DYNC2LI1: variants seen among roughly 807,000 people sequenced by gnomAD.
DYNC2LI1 encodes dynein cytoplasmic 2 light intermediate chain 1, also known as cytoplasmic dynein 2 light intermediate chain 1.
DYNC2LI1 carries 45 observed loss-of-function variants against 51.9 expected under a neutral mutation model. The ratio of observed to expected loss-of-function variants is 0.87; its 90% confidence interval spans 0.68 to 1.11. DYNC2LI1 has a LOEUF of 1.11. DYNC2LI1 is among the 50% of genes most tolerant of loss of function. DYNC2LI1 has a pLI of 0.00. For missense variants in DYNC2LI1, 490 were observed against 417.4 expected (o/e 1.17, Z -1.51); for synonymous variants, 130 against 137.8 (o/e 0.94, Z 0.40).
intron 12 of DYNC2LI1, among the ~76,000 whole-genome samples, chr2:43,809,115 A>G (rs1666386047): frequency 6.6e-6 from 1 of 151,982 alleles, no homozygotes. Context: ...CAGACTCCCA[A>G]GTAGCTGGGA....
chr2:43,824,880 A>T, the DYNC2LI1 span: 1 of 1,613,898 alleles, frequency 6.2e-7, no homozygotes, highest in Non-Finnish European at 8.5e-7. Context: ...ATGTGAAAGA[A>T]AAACTTACTA....
At chr2:43,795,805 G>T in intron 6 of DYNC2LI1, 85 bp from the exon 7 acceptor site, 2 of 1,011,846 alleles carry the variant, frequency 2.0e-6, no homozygotes, top group Non-Finnish European at 3.1e-6. Context: ...GACTGAAAAT[G>T]GAATGTTTTT....
intron 2 of DYNC2LI1, among the ~76,000 whole-genome samples, chr2:43,782,011 A>ATGTGTGTGTGTGTGTG (rs72178749): frequency 0.078 from 11,597 of 148,618 alleles, 575 homozygotes; most frequent in African/African-American, 0.13. Context: ...GTTTCTGTCT[A>ATGTGTGTGTGTGTGTG]TGTGTGTGTG....
chr2:43,792,015 A>G (rs917875672), intron 5 of DYNC2LI1, among the ~76,000 whole-genome samples: 8 of 152,130 alleles, frequency 5.3e-5, no homozygotes, highest in African/African-American at 1.9e-4. Context: ...TCATTTGAAA[A>G]AATAATAAAT....
intron 4 of DYNC2LI1, among the ~76,000 whole-genome samples, chr2:43,787,459 C>G (rs890141490): frequency 3.9e-5 from 6 of 152,154 alleles, no homozygotes; most frequent in African/African-American, 1.4e-4. Flanking sequence ...TTTATTATGT[C>G]TTAAAATGCT....
Position 43,804,653 on chromosome 2 carries a change from G to A in DYNC2LI1, c.814G>A (p.Val272Ile), listed in dbSNP as rs1479353292. The part of the protein sequence containing the change: ...DSFGQIGSPP[V>I]PENDIGKLHA... ...ACTTGCTATTTTAGGATCTCCTCCTGTTCCTGAAAATGACATTGGAAAGCT... is the reference window on the plus strand; with the variant it reads ...ACTTGCTATTTTAGGATCTCCTCCTATTCCTGAAAATGACATTGGAAAGCT... Residue 272 changes from valine (V) to isoleucine (I), a missense_variant, in exon 11 of 13, where the codon GTT becomes ATT. Val to Ile is a conservative substitution (Grantham distance 29). Coordinates refer to ENST00000260605, the MANE Select transcript of DYNC2LI1 (RefSeq NM_016008.4). 3 of 1,603,260 alleles carry A rather than the reference G, an allele frequency of 1.9e-6. No homozygotes were observed. Among genetic ancestry groups the A allele is most frequent in the Non-Finnish European group, 2.6e-6 (3 of 1,175,974 alleles).
chr2:43,822,476 A>ACC, the DYNC2LI1 span: 1 of 298,510 alleles, frequency 3.3e-6, no homozygotes, highest in Non-Finnish European at 4.3e-6. Context: ...CCCCTCCCCC[A>ACC]GGCCCCCCCC....
intron 12 of DYNC2LI1, chr2:43,805,491 A>C: frequency 8.5e-6 from 2 of 235,844 alleles, no homozygotes. Flanking sequence ...GACATGACTT[A>C]GTGTTCACAT....
chr2:43,808,993 A>T (rs925254921), intron 12 of DYNC2LI1, among the ~76,000 whole-genome samples: 1 of 151,700 alleles, frequency 6.6e-6, no homozygotes, highest in Non-Finnish European at 1.5e-5. Context: ...ACACACACAC[A>T]CACACACTTT....
chr2:43,820,197 G>A, the DYNC2LI1 span: 4 of 1,441,990 alleles, frequency 2.8e-6, no homozygotes, highest in Non-Finnish European at 3.8e-6. Flanking sequence ...GTGGTGAGTG[G>A]GTGGGAGAAG....
At chr2:43,826,230 C>A in the DYNC2LI1 span, 3 of 1,029,246 alleles carry the variant, frequency 2.9e-6, no homozygotes, top group Non-Finnish European at 1.5e-6. Context: ...AAACTCCTGG[C>A]CTCAAGTGCT....
chr2:43,828,021 C>T, the DYNC2LI1 span: 9 of 1,614,078 alleles, frequency 5.6e-6, no homozygotes, highest in South Asian at 1.1e-5. Context: ...GGAGACCCGG[C>T]GCCGCTCACC....
At chr2:43,812,790 A>T (rs1214132580), downstream of DYNC2LI1, 2 of 281,740 alleles carry the variant, frequency 7.1e-6, no homozygotes, top group South Asian at 5.3e-5. Context: ...AAGCTGACCT[A>T]TTTTTTTCTG....
rs576707267 is a variant in DYNC2LI1, at chr2:43,806,690, C to T, written c.993+1444C>T. Reference sequence around the variant, plus strand: ...GTATAATGATCACTTTTATTAAGTTCATATACATCAGTATTATTAAAGGAT... The same window carrying T: ...GTATAATGATCACTTTTATTAAGTTTATATACATCAGTATTATTAAAGGAT... On this transcript the variant is annotated intron_variant, in intron 12 of 12. Transcript: ENST00000260605. Among the ~76,000 whole-genome samples the T allele has an allele frequency of 1.6e-4, 24 of 152,232 alleles. No homozygotes were observed. The South Asian group carries it at 4.8e-3, about 30-fold the overall frequency.
At chr2:43,781,250 T>C (rs1673264105) in intron 2 of DYNC2LI1, among the ~76,000 whole-genome samples, 1 of 151,510 alleles carries the variant, frequency 6.6e-6, no homozygotes, top group Non-Finnish European at 1.5e-5. Flanking sequence ...ATACTGGTAA[T>C]CCCAGCTACT....
chr2:43,822,595 C>G, the DYNC2LI1 span: 2 of 984,464 alleles, frequency 2.0e-6, no homozygotes, highest in Admixed American at 1.2e-4. Context: ...TTGGTTTGTT[C>G]TCAGGTCTCC....
chr2:43,806,438 T>C (rs1553365322), intron 12 of DYNC2LI1, among the ~76,000 whole-genome samples: 2 of 152,150 alleles, frequency 1.3e-5, no homozygotes, highest in Non-Finnish European at 1.5e-5. Context: ...CAAAACATTT[T>C]ATGTAAACGG....
At chr2:43,787,121 T>G in intron 3 of DYNC2LI1, 60 bp from the exon 4 acceptor site, 1 of 1,364,188 alleles carries the variant, frequency 7.3e-7, no homozygotes, top group Non-Finnish European at 1.0e-6. Flanking sequence ...TCAGGTAAGG[T>G]GATAGCATAA....
chr2:43,795,768 A>G (rs1203429309), intron 6 of DYNC2LI1, 122 bp from the exon 7 acceptor site: 1 of 729,640 alleles, frequency 1.4e-6, no homozygotes, highest in Non-Finnish European at 2.3e-6. Context: ...TTCTATGTCA[A>G]GCAAATTAAG....
Sources: allele counts gnomAD v4.1 joint callset (sites outside exome capture counted in the v4.1 genomes callset), GRCh38; gene constraint gnomAD v4.1.1; transcripts MANE v1.5; gene names NCBI Gene and HGNC (gene_info 2026-07-23, HGNC 2026-07-21).